Variants in HNRNPLL observed in about 807,000 individuals in gnomAD.
The protein encoded by HNRNPLL is heterogeneous nuclear ribonucleoprotein L like.
A neutral mutation model predicts 67.1 loss-of-function variants in HNRNPLL; 25 were observed. The ratio of observed to expected loss-of-function variants is 0.37; its 90% confidence interval spans 0.27 to 0.52. The LOEUF is 0.52. Ranked by LOEUF, HNRNPLL falls within the 20% of genes least tolerant of loss-of-function variation. HNRNPLL has a pLI of 0.90. For missense variants in HNRNPLL, 542 were observed against 673.9 expected (o/e 0.80, Z 2.17); for synonymous variants, 267 against 241.7 (o/e 1.10, Z -0.97).
At chr2:38,599,661 T>C (rs1338419045) in intron 1 of HNRNPLL, among the ~76,000 whole-genome samples, 2 of 152,224 alleles carry the variant, frequency 1.3e-5, no homozygotes, top group African/African-American at 2.4e-5. Context: ...TCATTTCTCT[T>C]TGTACCTTCA....
At chr2:38,597,833 G>A (rs532466419) in intron 1 of HNRNPLL, among the ~76,000 whole-genome samples, 3 of 151,958 alleles carry the variant, frequency 2.0e-5, no homozygotes, top group South Asian at 2.1e-4. Context: ...GATTACAGGC[G>A]CGTGCCACCA....
chr2:38,577,875 G>A, intron 6 of HNRNPLL: 2 of 476,734 alleles, frequency 4.2e-6, no homozygotes, highest in South Asian at 1.6e-5. Flanking sequence ...ACCAATACAT[G>A]TCTTTAAAAC....
intron 1 of HNRNPLL, among the ~76,000 whole-genome samples, chr2:38,601,792 G>T (rs1474228445): frequency 1.3e-5 from 2 of 152,202 alleles, no homozygotes; most frequent in Non-Finnish European, 2.9e-5. Context: ...CAACACTTCT[G>T]TTGAAGTGTT....
At chr2:38,594,033 G>A (rs1019306127) in intron 1 of HNRNPLL, among the ~76,000 whole-genome samples, 1 of 151,388 alleles carries the variant, frequency 6.6e-6, no homozygotes, top group African/African-American at 2.4e-5. Context: ...AAATTAGCCG[G>A]GCATGGTGGC....
intron 9 of HNRNPLL, 46 bp downstream of exon 9, chr2:38,569,758 A>T (rs1184669695): frequency 9.4e-7 from 1 of 1,060,698 alleles, no homozygotes. Flanking sequence ...AAGGACAAAG[A>T]TTTTTAAATA....
intron 12 of HNRNPLL, among the ~76,000 whole-genome samples, chr2:38,566,856 A>T (rs993019717): frequency 2.0e-5 from 3 of 151,600 alleles, no homozygotes; most frequent in Admixed American, 6.6e-5. Context: ...AAAAAAATTT[A>T]AAAATAAAAA....
chr2:38,595,984 A>G (rs1017282495), intron 1 of HNRNPLL, among the ~76,000 whole-genome samples: 5 of 152,124 alleles, frequency 3.3e-5, no homozygotes, highest in Admixed American at 2.6e-4. Flanking sequence ...TCTGCCATTC[A>G]TAAGTTTATT....
intron 1 of HNRNPLL, among the ~76,000 whole-genome samples, chr2:38,593,718 C>G (rs1667058887): frequency 6.6e-6 from 1 of 152,056 alleles, no homozygotes; most frequent in South Asian, 2.1e-4. Context: ...GAAACTCCGT[C>G]TCTGGTGTGG....
At chr2:38,567,759 T>C (rs929160557) in intron 12 of HNRNPLL, among the ~76,000 whole-genome samples, 6 of 152,202 alleles carry the variant, frequency 3.9e-5, no homozygotes, top group Non-Finnish European at 5.9e-5. Context: ...GATTTATCTC[T>C]TGGATCACTC....
At chr2:38,577,873 A>G in intron 6 of HNRNPLL, 1 of 477,256 alleles carries the variant, frequency 2.1e-6, no homozygotes, top group Non-Finnish European at 4.3e-6. Flanking sequence ...TTACCAATAC[A>G]TGTCTTTAAA....
chr2:38,599,776 T>A (rs1039743214), intron 1 of HNRNPLL: 5 of 416,410 alleles, frequency 1.2e-5, no homozygotes, highest in African/African-American at 1.0e-4. Context: ...ATGTAGTCAA[T>A]ATATTATCAA....
rs746194065 is a variant in HNRNPLL at position 38,564,241 on chromosome 2, TA to T, written c.1574-5del. 6 of 1,508,022 alleles carry T rather than the reference TA, an allele frequency of 4.0e-6. No individual in the cohort carries two copies. In the South Asian group the frequency reaches 6.9e-5, roughly 17 times the overall value. 93.4% of individuals were successfully genotyped at this position (1,508,022 alleles called of 1,614,324 possible). On this transcript the variant is annotated splice_polypyrimidine_tract_variant and splice_region_variant and intron_variant, in intron 12 of 12. Coordinates refer to ENST00000449105, the MANE Select transcript of HNRNPLL (RefSeq NM_138394.4). ...AATGTATAGGGATTGGAACCATCTG[TA>T]AAAAGTAAAAAACAGTTAATATTTC... is the stretch of plus-strand genomic sequence containing the variant.
intron 12 of HNRNPLL, among the ~76,000 whole-genome samples, chr2:38,567,486 G>A (rs1414962018): frequency 6.6e-6 from 1 of 152,270 alleles, no homozygotes; most frequent in East Asian, 1.9e-4. Context: ...AAAGGTTGGA[G>A]GTTGTAGAAA....
At position 38,602,909 on chromosome 2, in the gene HNRNPLL, G is replaced by C. The variant is rs528483028; in HGVS notation, c.-283C>G. The C allele has an allele frequency of 6.5e-7, 1 of 1,533,504 alleles. No individual in the cohort carries two copies. The highest frequency in any genetic ancestry group is 8.8e-7 in the Non-Finnish European group (1 of 1,132,612). The allele number at this position is 1,533,504 out of a possible 1,614,324, so 95.0% of individuals were successfully genotyped here. A position where few individuals can be genotyped will look rare whatever the true frequency, so the allele number is the denominator to read the frequency against. On this transcript the variant is annotated 5_prime_UTR_variant, in exon 1 of 13. Transcript: ENST00000449105. ...CCTCCTCCGTCTCCGCTCCCTGCCC[G>C]GAGGAGCGAATCTAAGGATGGGGAC...
At chr2:38,574,562 T>G (rs1666225084) in intron 7 of HNRNPLL, among the ~76,000 whole-genome samples, 1 of 151,864 alleles carries the variant, frequency 6.6e-6, no homozygotes, top group Admixed American at 6.6e-5. Flanking sequence ...AGTGAGTTAC[T>G]AAGAACTACT....
At chr2:38,584,899 AC>A (rs1666664510) in intron 3 of HNRNPLL, among the ~76,000 whole-genome samples, 1 of 151,900 alleles carries the variant, frequency 6.6e-6, no homozygotes, top group South Asian at 2.1e-4. Context: ...TTTTCCCAAC[AC>A]CGAATATTAT....
At chr2:38,575,189 ATTATC>A (rs902853991) in intron 7 of HNRNPLL, among the ~76,000 whole-genome samples, 3 of 151,836 alleles carry the variant, frequency 2.0e-5, no homozygotes, top group African/African-American at 7.2e-5. Flanking sequence ...TCATTATTAA[ATTATC>A]TTATCTATAC....
chr2:38,593,084 A>C (rs1427268356), intron 1 of HNRNPLL, among the ~76,000 whole-genome samples: 4 of 152,244 alleles, frequency 2.6e-5, no homozygotes, highest in Admixed American at 1.3e-4. Flanking sequence ...AATCCAAAAA[A>C]TAAACTCAGT....
chr2:38,572,436 G>GA (rs1313013698), intron 8 of HNRNPLL, among the ~76,000 whole-genome samples: 4 of 151,722 alleles, frequency 2.6e-5, no homozygotes, highest in Middle Eastern at 3.2e-3. Flanking sequence ...CTTAAAACAG[G>GA]AAAAAAACAC....
Sources: gnomAD v4.1 joint callset for allele counts (sites outside exome capture counted in the v4.1 genomes callset) on GRCh38, gnomAD v4.1.1 for gene constraint, MANE v1.5 for transcripts, NCBI Gene and HGNC (gene_info 2026-07-23, HGNC 2026-07-21) for gene names.